The following UGT2A3 variants were observed in gnomAD, a reference collection of about 807,000 sequenced individuals.
UGT2A3 encodes UDP-glucuronosyltransferase 2A3.
A neutral mutation model predicts 44.1 loss-of-function variants in UGT2A3; 55 were observed. The ratio of observed to expected loss-of-function variants is 1.25; its 90% CI spans 1.00 to 1.56. UGT2A3 has a LOEUF of 1.56. Ranked by LOEUF, UGT2A3 falls within the 40% of genes most tolerant of loss-of-function variation. UGT2A3 has a pLI of 0.00. For synonymous variants in UGT2A3, 243 were observed against 215.1 expected (o/e 1.13, Z -1.13); for missense variants, 733 against 621.6 (o/e 1.18, Z -1.91).
In UGT2A3 at chr4:68,928,951, TA is replaced by T. The variant is rs1379510172; in HGVS notation, c.*861del. 1 of 152,094 alleles carries T rather than the reference TA, an allele frequency of 6.6e-6. No individual in the cohort carries two copies. Among genetic ancestry groups the T allele is most frequent in the East Asian group, 1.9e-4 (1 of 5,190 alleles). 9.4% of individuals were successfully genotyped at this position (152,094 alleles called of 1,614,324 possible). ...TAAATTATACTTTTGATTATAGAGA[TA>T]AGAATTATGAGTATTCATCATTTTT... On this transcript the variant is annotated 3_prime_UTR_variant, in exon 6 of 6. Coordinates refer to ENST00000251566, the MANE Select transcript of UGT2A3 (RefSeq NM_024743.4).
chr4:68,951,240 A>T lies in UGT2A3; in HGVS notation c.521T>A (p.Val174Glu), dbSNP rs144984988. Residue 174 changes from valine to glutamate, a missense_variant, in exon 1 of 6, where the codon GTA becomes GAA. Coordinates refer to ENST00000251566, the MANE Select transcript of UGT2A3 (RefSeq NM_024743.4). The part of the protein sequence containing the change: ...VPFVLTLRIS[V>E]GGNMERSCGK... ...ACAGCTTCGCTCCATATTGCCTCCT[A>T]CAGAAATTCTAAGTGTGAGCACAAA... 6.2e-7 allele frequency: 1 copy of T among 1,611,580 alleles called. No individual in the cohort carries two copies. Among genetic ancestry groups the T allele is most frequent in the Non-Finnish European group, 8.5e-7 (1 of 1,178,864 alleles).
In UGT2A3 at chr4:68,951,464, T is replaced by C; in HGVS notation, c.297A>G (p.Pro99=). The C allele has an allele frequency of 6.2e-7, 1 of 1,612,532 alleles. No homozygotes were observed. The highest frequency in any genetic ancestry group is 2.2e-5 in the East Asian group (1 of 44,710). Residue 99 remains proline, a synonymous_variant, in exon 1 of 6, where the codon CCA becomes CCG. Coordinates refer to ENST00000251566, the MANE Select transcript of UGT2A3 (RefSeq NM_024743.4). ...TAACTGATTGCCAGGTTGATAAGCC[T>C]GGCAAGACATTCAGAGCTAGGTCAA... ...IFVDLALNVL[P]GLSTWQSVIK... is the part of the protein sequence containing the mutation.
chr4:68,941,118 C>A (rs13434649), intron 2 of UGT2A3, among the ~76,000 whole-genome samples: 3 of 151,644 alleles, frequency 2.0e-5, no homozygotes, highest in East Asian at 3.9e-4. Context: ...CCTCACATCC[C>A]CTCTTTATGG....
In UGT2A3 at chr4:68,942,682, C is replaced by A. The variant is rs1291660033; in HGVS notation, c.864+2624G>T. On this transcript the variant is annotated intron_variant, in intron 2 of 5. Transcript: ENST00000251566. ...AATCCAGGCAGAGATAGCATGGTAT[C>A]CCTTATACGTGGAATCAAAAAATGC... Among the ~76,000 whole-genome samples, 6 of 151,096 alleles carry A rather than the reference C, an allele frequency of 4.0e-5. No individual in the cohort carries two copies. In the East Asian group the frequency reaches 1.2e-3, roughly 30 times the overall value.
At position 68,931,168 on chromosome 4, in the gene UGT2A3, C is replaced by G; in HGVS notation, c.1071G>C (p.Gln357His). ...ANTRLYDWIP[Q>H]NDLLGHPKTK... ...TCATAGACCTACCAAGAAGATCATT[C>G]TGGGGTATCCAATCATACAGCCGAG... Residue 357 changes from glutamine to histidine, a missense_variant, in exon 4 of 6, where the codon CAG becomes CAC. Transcript: ENST00000251566. The G allele has an allele frequency of 2.5e-6, 4 of 1,612,614 alleles. No homozygotes were observed. The highest frequency in any genetic ancestry group is 3.4e-6 in the Non-Finnish European group (4 of 1,179,168).
At chr4:68,947,800 A>C (rs1481999400) in intron 1 of UGT2A3, among the ~76,000 whole-genome samples, 1 of 151,840 alleles carries the variant, frequency 6.6e-6, no homozygotes, top group East Asian at 1.9e-4. Context: ...GTGAATTGTC[A>C]ATGAGCAGCA....
At position 68,935,294 on chromosome 4, in the gene UGT2A3, A is replaced by G. The variant is rs1461461350; in HGVS notation, c.865-2535T>C. Among the ~76,000 whole-genome samples, 126 of 88,432 alleles carry G rather than the reference A, an allele frequency of 1.4e-3. 1 individual carries two copies. Among genetic ancestry groups the G allele is most frequent in the African/African-American group, 3.1e-3 (63 of 20,404 alleles). The allele number at this position is 88,432 out of a possible 152,430, so 58.0% of individuals were successfully genotyped here. ...TATGTATGTATATATATATATATAT[A>G]TATATATATATATATATATATATGC... is the stretch of plus-strand genomic sequence containing the variant. On this transcript the variant is annotated intron_variant, in intron 2 of 5. Transcript: ENST00000251566.
chr4:68,939,078 G>T (rs184006245), intron 2 of UGT2A3, among the ~76,000 whole-genome samples: 1 of 152,240 alleles, frequency 6.6e-6, no homozygotes, highest in African/African-American at 2.4e-5. Context: ...AACATTCCAT[G>T]CTCATGGATA....
chr4:68,943,213 G>A (rs1718261856), intron 2 of UGT2A3: 4 of 563,244 alleles, frequency 7.1e-6, no homozygotes, highest in South Asian at 1.9e-5. Context: ...GTGTTTGTGT[G>A]TGTGTGTTTG....
intron 2 of UGT2A3, among the ~76,000 whole-genome samples, chr4:68,942,699 A>G (rs1718245210): frequency 6.6e-6 from 1 of 151,448 alleles, no homozygotes; most frequent in Non-Finnish European, 1.5e-5. Context: ...ACGTGGAATC[A>G]AAAAATGCAT....
In UGT2A3 at chr4:68,932,635, G is replaced by C. The variant is rs771807235; in HGVS notation, c.989C>G (p.Pro330Arg). The C allele has an allele frequency of 8.7e-6, 14 of 1,606,970 alleles. No individual in the cohort carries two copies. Among genetic ancestry groups the C allele is most frequent in the Admixed American group, 5.1e-5 (3 of 58,950 alleles). Residue 330 changes from proline to arginine, a missense_variant, in exon 3 of 6, where the codon CCA (proline) becomes CGA (arginine). Physicochemically the swap from Pro to Arg is moderately radical, Grantham distance 103. Coordinates refer to ENST00000251566, the MANE Select transcript of UGT2A3 (RefSeq NM_024743.4). ...NIIASALAQI[P>R]QKVLWRYKGK... The stretch of plus-strand genomic sequence containing the variant: ...ATTGGAGGTTTTACTGACCTTCTGT[G>C]GGATCTGGGCAAGGGCTGAAGCAAT...
chr4:68,943,211 G>T, intron 2 of UGT2A3: 5 of 568,100 alleles, frequency 8.8e-6, no homozygotes, highest in South Asian at 1.9e-5. Flanking sequence ...GTGTGTTTGT[G>T]TGTGTGTGTT....
At chr4:68,935,303 T>TAC (rs1717901900) in intron 2 of UGT2A3, among the ~76,000 whole-genome samples, 1 of 107,346 alleles carries the variant, frequency 9.3e-6, no homozygotes, top group Admixed American at 1.1e-4. Context: ...TATATATATA[T>TAC]ATATATATAT....
intron 2 of UGT2A3, among the ~76,000 whole-genome samples, chr4:68,937,739 C>A (rs370405370): frequency 1.5e-4 from 23 of 151,958 alleles, no homozygotes; most frequent in South Asian, 1.0e-3. Context: ...GATAGGGACA[C>A]GAAAAACCCT....
chr4:68,928,777 T>C lies in UGT2A3; in HGVS notation c.*1036A>G, dbSNP rs1029898628. 1.3e-5 allele frequency: 2 copies of C among 151,850 alleles called. No homozygotes were observed. Among genetic ancestry groups the C allele is most frequent in the Non-Finnish European group, 2.9e-5 (2 of 67,894 alleles). 9.4% of individuals were successfully genotyped at this position (151,850 alleles called of 1,614,324 possible). A position where few individuals can be genotyped will look rare whatever the true frequency, so the allele number is the denominator to read the frequency against. On this transcript the variant is annotated 3_prime_UTR_variant, in exon 6 of 6. Transcript: ENST00000251566. ...TTTACATATCAAAATATTTAATATA[T>C]AATACTATTTGTTATGCAGGTTTTC...
At chr4:68,950,342 G>T (rs1053149658) in intron 1 of UGT2A3, among the ~76,000 whole-genome samples, 6 of 151,848 alleles carry the variant, frequency 4.0e-5, no homozygotes, top group Non-Finnish European at 7.4e-5. Context: ...ATATTTTAGT[G>T]TCGAATATAA....
chr4:68,949,937 C>T (rs940266530), intron 1 of UGT2A3, among the ~76,000 whole-genome samples: 1 of 151,888 alleles, frequency 6.6e-6, no homozygotes, highest in Non-Finnish European at 1.5e-5. Flanking sequence ...TTTCTGAATG[C>T]ATGGCCAGAA....
intron 2 of UGT2A3, among the ~76,000 whole-genome samples, chr4:68,943,733 A>G (rs751928735): frequency 2.6e-5 from 4 of 151,652 alleles, no homozygotes; most frequent in Non-Finnish European, 5.9e-5. Context: ...TTCAGTCAGG[A>G]TTTTTACTTA....
At chr4:68,944,456 A>C (rs1718308538) in intron 2 of UGT2A3, among the ~76,000 whole-genome samples, 1 of 151,842 alleles carries the variant, frequency 6.6e-6, no homozygotes, top group Non-Finnish European at 1.5e-5. Context: ...AAAACTATTA[A>C]AAAACTATAA....
Sources: gnomAD v4.1 joint callset for allele counts (sites outside exome capture counted in the v4.1 genomes callset) on GRCh38, gnomAD v4.1.1 for gene constraint, MANE v1.5 for transcripts, NCBI Gene and HGNC (gene_info 2026-07-23, HGNC 2026-07-21) for gene names.